The following PPP1R13B variants were observed in gnomAD, a reference collection of about 807,000 sequenced individuals.
PPP1R13B encodes apoptosis-stimulating of p53 protein 1.
Under a neutral mutation model 119.8 loss-of-function variants are expected in PPP1R13B, and 44 were observed. The ratio of observed to expected loss-of-function variants is 0.37; its 90% CI spans 0.29 to 0.47. The LOEUF (loss-of-function observed/expected upper bound fraction) is 0.47. Among genes scored for constraint, PPP1R13B ranks in the 20% least tolerant of loss-of-function variants. The pLI is 0.99. For synonymous variants in PPP1R13B, 542 were observed against 561.5 expected (o/e 0.97, Z 0.49); for missense variants, 1,227 against 1,413.5 (o/e 0.87, Z 2.12).
intron 16 of PPP1R13B, 74 bp from the exon 17 acceptor site, chr14:103,735,269 C>A: frequency 6.8e-7 from 1 of 1,477,424 alleles, no homozygotes; most frequent in Admixed American, 1.7e-5. Flanking sequence ...CCGACCCCTG[C>A]TCCTCACCTC....
chr14:103,847,863 G>C (rs1298444501), upstream of PPP1R13B: 2 of 157,496 alleles, frequency 1.3e-5, no homozygotes, highest in East Asian at 3.9e-4. Flanking sequence ...TGGGAGGACT[G>C]AGGCCCGACA....
intron 4 of PPP1R13B, among the ~76,000 whole-genome samples, chr14:103,769,216 G>C (rs1412951362): frequency 1.3e-5 from 2 of 152,040 alleles, no homozygotes; most frequent in African/African-American, 4.8e-5. Context: ...CTCCCGAGTA[G>C]CTGGGATCAC....
chr14:103,753,198 T>C lies in PPP1R13B; in HGVS notation c.632-2A>G. 6.2e-7 allele frequency: 1 copy of C among 1,604,518 alleles called. No individual in the cohort carries two copies. The highest frequency in any genetic ancestry group is 8.5e-7 in the Non-Finnish European group (1 of 1,177,188). The stretch of plus-strand genomic sequence containing the variant: ...CACTGAACCTTTCTATTTCAGCAGC[T>C]ATAATTGACCACACAAGAAAAGAAT... On this transcript the variant is annotated splice_acceptor_variant, in intron 6 of 16. Coordinates refer to ENST00000202556, the MANE Select transcript of PPP1R13B (RefSeq NM_015316.3). LOFTEE classifies it high-confidence loss of function.
intron 2 of PPP1R13B, among the ~76,000 whole-genome samples, chr14:103,796,015 G>C (rs2085748728): frequency 6.6e-6 from 1 of 152,120 alleles, no homozygotes; most frequent in South Asian, 2.1e-4. Context: ...AATGGGGTGG[G>C]GTGCAGTGGT....
chr14:103,799,087 C>T (rs2085831828), intron 1 of PPP1R13B, among the ~76,000 whole-genome samples: 1 of 152,126 alleles, frequency 6.6e-6, no homozygotes, highest in Non-Finnish European at 1.5e-5. Context: ...GCAACCTCTG[C>T]CTCCCCAGTT....
At chr14:103,787,761 C>T (rs934469125) in intron 2 of PPP1R13B, among the ~76,000 whole-genome samples, 2 of 149,600 alleles carry the variant, frequency 1.3e-5, no homozygotes, top group Non-Finnish European at 3.0e-5. Context: ...TTACGCCATT[C>T]TCCTGCCTCA....
At chr14:103,801,646 C>T (rs1378043211) in intron 1 of PPP1R13B, among the ~76,000 whole-genome samples, 1 of 152,078 alleles carries the variant, frequency 6.6e-6, no homozygotes, top group Non-Finnish European at 1.5e-5. Flanking sequence ...CTCAATGACT[C>T]CCTCCCTTTA....
At chr14:103,820,468 T>G (rs2086381634) in intron 1 of PPP1R13B, among the ~76,000 whole-genome samples, 1 of 151,850 alleles carries the variant, frequency 6.6e-6, no homozygotes, top group South Asian at 2.1e-4. Context: ...AAATAAAACA[T>G]TCAATAAACA....
At chr14:103,830,854 T>C (rs562249066) in intron 1 of PPP1R13B, among the ~76,000 whole-genome samples, 179 of 152,140 alleles carry the variant, frequency 1.2e-3, no homozygotes, top group Non-Finnish European at 2.2e-3. Flanking sequence ...ACGTAAAATA[T>C]GTTCTAAAAT....
intron 1 of PPP1R13B, among the ~76,000 whole-genome samples, chr14:103,822,918 G>A (rs1246660924): frequency 2.6e-5 from 4 of 152,110 alleles, no homozygotes; most frequent in Non-Finnish European, 5.9e-5. Context: ...TCATCCCCAC[G>A]TTACAGATGG....
rs1309554542 is a variant in PPP1R13B, at chr14:103,821,727, G to T, written c.10-24209C>A. 5.3e-5 allele frequency among the ~76,000 whole-genome samples: 8 copies of T among 151,490 alleles called. No individual in the cohort carries two copies. The East Asian group carries it at 1.4e-3, about 26-fold the overall frequency. ...GATTGCGCCATTGCACTCCAGCCTG[G>T]GCAACAAGAGCAAAATTCCACCTCA... is the stretch of plus-strand genomic sequence containing the variant. On this transcript the variant is annotated intron_variant, in intron 1 of 16. Coordinates refer to ENST00000202556, the MANE Select transcript of PPP1R13B (RefSeq NM_015316.3).
intron 2 of PPP1R13B, among the ~76,000 whole-genome samples, chr14:103,787,136 A>C (rs1470896898): frequency 2.6e-5 from 4 of 151,900 alleles, no homozygotes; most frequent in African/African-American, 9.7e-5. Flanking sequence ...TTGCAAAACT[A>C]ATCTTTTACA....
chr14:103,798,304 A>G (rs943520979), intron 1 of PPP1R13B, among the ~76,000 whole-genome samples: 1 of 151,886 alleles, frequency 6.6e-6, no homozygotes, highest in Admixed American at 6.6e-5. Flanking sequence ...GGCGCCCGCC[A>G]CCACGCCCGG....
upstream of PPP1R13B, chr14:103,848,488 G>T: frequency 1.0e-6 from 1 of 985,480 alleles, no homozygotes; most frequent in Non-Finnish European, 1.2e-6. Flanking sequence ...CCCACATGGT[G>T]CCATTCGCCC....
chr14:103,738,536 C>T lies in PPP1R13B; in HGVS notation c.2864+143G>A. 2.3e-6 allele frequency: 3 copies of T among 1,306,634 alleles called. No homozygotes were observed. The highest frequency in any genetic ancestry group is 1.5e-5 in the African/African-American group (1 of 67,662). 80.9% of individuals were successfully genotyped at this position (1,306,634 alleles called of 1,614,324 possible). A position where few individuals can be genotyped will look rare whatever the true frequency, so the allele number is the denominator to read the frequency against. ...AAAAAAGGCAAGGAAACCCTGGCAA[C>T]AGCTGTCTTTCAAGGATGAAATGAT... On this transcript the variant is annotated intron_variant, in intron 14 of 16. Transcript: ENST00000202556. This position sits in a 1 kb window ranked among gnomAD's most constrained non-coding sequence, Gnocchi z 5.6.
chr14:103,835,792 G>A (rs1197842669), intron 1 of PPP1R13B, among the ~76,000 whole-genome samples: 5 of 151,350 alleles, frequency 3.3e-5, no homozygotes, highest in African/African-American at 1.2e-4. Flanking sequence ...GTATTTTTTA[G>A]TAGAGACGGG....
chr14:103,848,800 C>T (rs917789845), upstream of PPP1R13B, among the ~76,000 whole-genome samples: 3 of 141,802 alleles, frequency 2.1e-5, no homozygotes, highest in African/African-American at 6.0e-5. Flanking sequence ...CACGGGGGCT[C>T]GTGTTTGCGA....
intron 1 of PPP1R13B, among the ~76,000 whole-genome samples, chr14:103,813,751 T>C (rs1217081430): frequency 6.6e-6 from 1 of 152,174 alleles, no homozygotes; most frequent in Admixed American, 6.5e-5. Context: ...CACGTATAGA[T>C]ACGTGTCTGA....
chr14:103,845,491 T>TGAGA (rs1418056979), intron 1 of PPP1R13B, among the ~76,000 whole-genome samples: 2 of 152,174 alleles, frequency 1.3e-5, no homozygotes, highest in Admixed American at 1.3e-4. Context: ...AACAGTATTT[T>TGAGA]ATTGTTTTGA....
Sources: gnomAD v4.1 joint callset for allele counts (sites outside exome capture counted in the v4.1 genomes callset) on GRCh38, gnomAD v4.1.1 for gene constraint, Gnocchi (gnomAD v3.1) non-coding constraint, MANE v1.5 for transcripts, NCBI Gene and HGNC (gene_info 2026-07-23, HGNC 2026-07-21) for gene names.